Variants in TES observed in about 807,000 individuals in gnomAD.
TES encodes the protein testin.
TES carries 41 observed loss-of-function variants against 48.2 expected under a neutral mutation model. That is an observed-to-expected ratio of 0.85 (90% confidence interval 0.66 to 1.10). The LOEUF (loss-of-function observed/expected upper bound fraction) is 1.10. Ranked by LOEUF, TES falls within the 50% of genes least tolerant of loss-of-function variation. TES has a pLI of 0.00. For missense variants in TES, 463 were observed against 515.1 expected (o/e 0.90, Z 0.98); for synonymous variants, 162 against 174.9 (o/e 0.93, Z 0.58).
chr7:116,257,054 A>T (rs1800109818), intron 6 of TES, among the ~76,000 whole-genome samples: 1 of 152,214 alleles, frequency 6.6e-6, no homozygotes, highest in African/African-American at 2.4e-5. Context: ...CCATGAAGTT[A>T]TCTTACATGC....
intron 1 of TES, chr7:116,217,805 A>T (rs776230033): frequency 1.5e-5 from 8 of 518,176 alleles, no homozygotes; most frequent in South Asian, 4.2e-5. Flanking sequence ...CCCAACTACA[A>T]TCTTTGACTC....
At chr7:116,216,230 T>G (rs1166090026) in intron 1 of TES, among the ~76,000 whole-genome samples, 2 of 152,152 alleles carry the variant, frequency 1.3e-5, no homozygotes, top group Non-Finnish European at 2.9e-5. Flanking sequence ...TGTATATACC[T>G]TTTTTACATA....
Position 116,249,153 on chromosome 7 carries a change from G to A in TES, c.247G>A (p.Gly83Arg), listed in dbSNP as rs776426634. The change falls in exon 3 of 7, where the codon GGA becomes AGA. Residue 83 changes from glycine to arginine, a missense_variant. Gly to Arg is a moderately radical substitution (Grantham distance 125). Coordinates refer to ENST00000358204, the MANE Select transcript of TES (RefSeq NM_015641.4). The part of the protein sequence containing the change: ...TTLIAKLKSD[G>R]IPMYKRNVMI... ...TCTGATTGCAAAACTAAAGTCAGAT[G>A]GAATTCCCATGTATAAACGCAATGT... The A allele has an allele frequency of 1.9e-6, 3 of 1,614,052 alleles. No homozygotes were observed. Among genetic ancestry groups the A allele is most frequent in the Admixed American group, 1.7e-5 (1 of 60,016 alleles).
rs149312807 is a variant in TES at position 116,230,325 on chromosome 7, G to A, written c.28-4209G>A. On this transcript the variant is annotated intron_variant, in intron 1 of 6. Transcript: ENST00000358204. ...AATGAAAGTGTTTGTGTTTGGAAAG[G>A]TAGAGGGGCACTTTTTCCAGGCAGT... Among the ~76,000 whole-genome samples, 212 of 152,338 alleles carry A rather than the reference G, an allele frequency of 1.4e-3. 1 individual carries two copies. The highest frequency in any genetic ancestry group is 4.5e-3 in the African/African-American group (189 of 41,578).
intron 1 of TES, among the ~76,000 whole-genome samples, chr7:116,215,567 A>G (rs1186401492): frequency 2.0e-5 from 3 of 152,162 alleles, no homozygotes; most frequent in African/African-American, 7.2e-5. Context: ...CTCCAATAAT[A>G]TTCTGTACCT....
chr7:116,241,425 C>T (rs1799847525), intron 2 of TES, among the ~76,000 whole-genome samples: 1 of 152,032 alleles, frequency 6.6e-6, no homozygotes, highest in African/African-American at 2.4e-5. Flanking sequence ...GGCTCTTCTC[C>T]TTGTAGAAAT....
chr7:116,216,295 T>C (rs1408494912), intron 1 of TES, among the ~76,000 whole-genome samples: 10 of 152,164 alleles, frequency 6.6e-5, no homozygotes, highest in African/African-American at 9.7e-5. Context: ...CCAGTATATA[T>C]AAACATCTAT....
At chr7:116,229,507 ATCCTTGAACTGAAACC>A (rs1799669967) in intron 1 of TES, among the ~76,000 whole-genome samples, 1 of 152,168 alleles carries the variant, frequency 6.6e-6, no homozygotes, top group South Asian at 2.1e-4. Context: ...GGGGTTCCAA[ATCCTTGAACTGAAACC>A]AAGAGGAGTT....
Position 116,252,314 on chromosome 7 carries a change from C to T in TES, c.919-4C>T. On this transcript the variant is annotated splice_polypyrimidine_tract_variant and splice_region_variant and intron_variant, in intron 5 of 6. Transcript: ENST00000358204. ...ATCCATCTTTATTTTTATCTTCTTC[C>T]TAGCTGATATTCAGCAATGAGTATA... is the stretch of plus-strand genomic sequence containing the variant. The T allele has an allele frequency of 1.9e-6, 3 of 1,597,990 alleles. No homozygotes were observed. The highest frequency in any genetic ancestry group is 2.6e-6 in the Non-Finnish European group (3 of 1,167,848).
chr7:116,237,523 A>G (rs1039326966), intron 2 of TES, among the ~76,000 whole-genome samples: 1 of 151,840 alleles, frequency 6.6e-6, no homozygotes, highest in Non-Finnish European at 1.5e-5. Flanking sequence ...GATACATACT[A>G]TTCCCTGAAA....
At chr7:116,225,532 A>G (rs1370122940) in intron 1 of TES, among the ~76,000 whole-genome samples, 1 of 152,208 alleles carries the variant, frequency 6.6e-6, no homozygotes, top group Non-Finnish European at 1.5e-5. Flanking sequence ...CATTCCTAAC[A>G]TAATAGTCTA....
chr7:116,217,402 C>A (rs1799506162), intron 1 of TES, among the ~76,000 whole-genome samples: 1 of 152,122 alleles, frequency 6.6e-6, no homozygotes. Flanking sequence ...TCCCTGCCTA[C>A]AAATGCCTTA....
intron 6 of TES, among the ~76,000 whole-genome samples, chr7:116,256,398 C>T (rs934580304): frequency 6.6e-6 from 1 of 152,180 alleles, no homozygotes; most frequent in Non-Finnish European, 1.5e-5. Flanking sequence ...GTCTTGCTGG[C>T]TTCTTCACTT....
At chr7:116,246,347 T>C (rs1477342753) in intron 2 of TES, among the ~76,000 whole-genome samples, 2 of 152,352 alleles carry the variant, frequency 1.3e-5, no homozygotes, top group East Asian at 3.9e-4. Flanking sequence ...ACATGTTAGC[T>C]TGTCTCCCTA....
At position 116,241,927 on chromosome 7, in the gene TES, C is replaced by CT. The variant is rs931867700; in HGVS notation, c.114-7087dup. ...TTTAACACTTTCACAGTAAATATAA[C>CT]TTTTTTAACCAAGCCACAGCTCACC... is the stretch of plus-strand genomic sequence containing the variant. On this transcript the variant is annotated intron_variant, in intron 2 of 6. Transcript: ENST00000358204. Among the ~76,000 whole-genome samples, 34 of 152,084 alleles carry CT rather than the reference C, an allele frequency of 2.2e-4. 1 individual carries two copies. The highest frequency in any genetic ancestry group is 8.0e-4 in the African/African-American group (33 of 41,436).
chr7:116,221,924 G>A (rs1216763806), intron 1 of TES, among the ~76,000 whole-genome samples: 1 of 152,142 alleles, frequency 6.6e-6, no homozygotes, highest in Non-Finnish European at 1.5e-5. Flanking sequence ...TTTAAATGAT[G>A]TCTGTGCACC....
At chr7:116,238,444 C>T (rs768034856) in intron 2 of TES, 3 of 151,948 alleles carry the variant, frequency 2.0e-5, no homozygotes, top group Non-Finnish European at 2.9e-5. Flanking sequence ...TGTTTGAGCC[C>T]ATGAGTTATT....
chr7:116,211,774 CATTA>C lies in TES; in HGVS notation c.27+1044_27+1047del, dbSNP rs1210356288. Reference sequence around the variant, plus strand: ...CTAAACACAAAGTTTTTGACTTGAGCATTAATTCTATTTTATGCCCAGAACTGGA... The same window carrying C: ...CTAAACACAAAGTTTTTGACTTGAGCATTCTATTTTATGCCCAGAACTGGA... On this transcript the variant is annotated intron_variant, in intron 1 of 6. Coordinates refer to ENST00000358204, the MANE Select transcript of TES (RefSeq NM_015641.4). Among the ~76,000 whole-genome samples, 4 of 150,808 alleles carry C rather than the reference CATTA, an allele frequency of 2.7e-5. No homozygotes were observed. In the East Asian group the frequency reaches 7.9e-4, roughly 30 times the overall value.
chr7:116,234,666 C>G (rs753819943), intron 2 of TES, 47 bp downstream of exon 2: 1 of 1,482,850 alleles, frequency 6.7e-7, no homozygotes, highest in South Asian at 1.1e-5. Context: ...ATACTTTTTG[C>G]AATACTTCCT....
Sources: allele counts gnomAD v4.1 joint callset (sites outside exome capture counted in the v4.1 genomes callset), GRCh38; gene constraint gnomAD v4.1.1; transcripts MANE v1.5; gene names NCBI Gene and HGNC (gene_info 2026-07-23, HGNC 2026-07-21).